FMN1: variants seen among roughly 807,000 people sequenced by gnomAD.
The protein encoded by FMN1 is formin 1.
A neutral mutation model predicts 132.4 loss-of-function variants in FMN1; 110 were observed. The ratio of observed to expected loss-of-function variants is 0.83; its 90% confidence interval spans 0.71 to 0.97. The LOEUF (loss-of-function observed/expected upper bound fraction) is 0.97, where lower values mean the gene tolerates loss of function less well. Among genes scored for constraint, FMN1 ranks in the 50% least tolerant of loss-of-function variants. The probability of loss-of-function intolerance (pLI) is 0.00; values close to 1 mark genes in which losing one functional copy is unlikely to be tolerated. For synonymous variants in FMN1, 722 were observed against 651.7 expected, an observed-to-expected ratio of 1.11 and a Z score of -1.64; for missense variants, 1,792 against 1,705.3, an observed-to-expected ratio of 1.05 and a Z score of -0.90.
At chr15:33,084,256 T>TC (rs369114253) in intron 5 of FMN1, among the ~76,000 whole-genome samples, 13 of 152,312 alleles carry the variant, frequency 8.5e-5, no homozygotes, top group African/African-American at 3.1e-4. Context: ...CCAAGAACCC[T>TC]TTCTTGGGGT....
intron 17 of FMN1, among the ~76,000 whole-genome samples, chr15:32,807,045 GA>G (rs1380821686): frequency 2.0e-5 from 3 of 152,106 alleles, no homozygotes; most frequent in African/African-American, 7.2e-5. Flanking sequence ...CTTAATTGTA[GA>G]AAACTGGCTA....
chr15:32,773,299 C>T lies in FMN1; in HGVS notation c.*1011G>A, dbSNP rs1162550148. 1 of 152,072 alleles carries T rather than the reference C, an allele frequency of 6.6e-6. No individual in the cohort carries two copies. The highest frequency in any genetic ancestry group is 1.5e-5 in the Non-Finnish European group (1 of 68,048). The allele number at this position is 152,072 out of a possible 1,614,324, so 9.4% of individuals were successfully genotyped here. On this transcript the variant is annotated 3_prime_UTR_variant, in exon 21 of 21. Coordinates refer to ENST00000616417, the MANE Select transcript of FMN1 (RefSeq NM_001277313.2). Reference sequence around the variant, plus strand: ...CATCCTACTTCACATGCCTATCAGCCAAGGTCATGAGCAGGTGCTGTGAGT... The same window carrying T: ...CATCCTACTTCACATGCCTATCAGCTAAGGTCATGAGCAGGTGCTGTGAGT...
Position 33,153,650 on chromosome 15 carries a change from A to G in FMN1, c.1265T>C (p.Leu422Pro). 6.5e-7 allele frequency: 1 copy of G among 1,536,298 alleles called. No individual in the cohort carries two copies. The highest frequency in any genetic ancestry group is 1.2e-5 in the South Asian group (1 of 84,056). ...TAACTTCTCACTCTCTATCACCTTCAGGGGGACCTTGTTCACGGCCCCCTC... is the reference window on the plus strand; with the variant it reads ...TAACTTCTCACTCTCTATCACCTTCGGGGGGACCTTGTTCACGGCCCCCTC... Reference protein sequence around the residue: ...SAEGAVNKVPLKVIESEKLDE... With the variant: ...SAEGAVNKVPPKVIESEKLDE... The change falls in exon 4 of 21, where the codon CTG (leucine) becomes CCG (proline). Residue 422 changes from leucine to proline, a missense_variant. Physicochemically the swap from Leu to Pro is moderately conservative, Grantham distance 98. This residue lies in a region of FMN1 where 638 missense variants were observed against 645.2 expected (regional missense o/e 0.99). Coordinates refer to ENST00000616417, the MANE Select transcript of FMN1 (RefSeq NM_001277313.2).
chr15:32,847,671 A>G (rs1478415954), intron 17 of FMN1, among the ~76,000 whole-genome samples: 1 of 152,146 alleles, frequency 6.6e-6, no homozygotes, highest in Non-Finnish European at 1.5e-5. Context: ...TGGCTAACGC[A>G]GTGAAACCCC....
intron 9 of FMN1, among the ~76,000 whole-genome samples, chr15:32,949,368 G>C (rs1252359071): frequency 6.6e-6 from 1 of 152,224 alleles, no homozygotes; most frequent in South Asian, 2.1e-4. Context: ...GAACAGAACA[G>C]AGAACCTATT....
chr15:33,093,675 G>C (rs2038980741), intron 4 of FMN1, among the ~76,000 whole-genome samples: 1 of 152,156 alleles, frequency 6.6e-6, no homozygotes, highest in African/African-American at 2.4e-5. Context: ...TCCTCACTGG[G>C]AAGTATGTGG....
intron 7 of FMN1, among the ~76,000 whole-genome samples, chr15:33,004,517 G>A (rs544284371): frequency 3.3e-5 from 5 of 152,236 alleles, no homozygotes; most frequent in South Asian, 2.1e-4. Flanking sequence ...TTAGAATGGC[G>A]ATCATTAAAG....
chr15:32,862,627 T>A (rs1255537999), intron 16 of FMN1, among the ~76,000 whole-genome samples: 2 of 152,358 alleles, frequency 1.3e-5, no homozygotes, highest in East Asian at 3.9e-4. Flanking sequence ...ATAAAGCTTA[T>A]TAAGCCACTT....
chr15:32,863,960 G>C (rs979242093), intron 16 of FMN1, among the ~76,000 whole-genome samples: 6 of 152,172 alleles, frequency 3.9e-5, no homozygotes, highest in Admixed American at 2.0e-4. Flanking sequence ...AGTTAGAACA[G>C]TAATATTTTA....
intron 6 of FMN1, among the ~76,000 whole-genome samples, chr15:33,014,501 A>T (rs543594669): frequency 6.6e-6 from 1 of 152,372 alleles, no homozygotes; most frequent in South Asian, 2.1e-4. Flanking sequence ...TTAGCCCCTA[A>T]TGGAAGTTAA....
At chr15:32,844,867 C>T (rs2058822635) in intron 17 of FMN1, among the ~76,000 whole-genome samples, 1 of 152,228 alleles carries the variant, frequency 6.6e-6, no homozygotes, top group African/African-American at 2.4e-5. Flanking sequence ...GGCTGATATA[C>T]ATAGTGCCAG....
intron 17 of FMN1, among the ~76,000 whole-genome samples, chr15:32,823,851 G>A (rs1268872367): frequency 2.6e-5 from 4 of 152,188 alleles, no homozygotes; most frequent in Non-Finnish European, 1.5e-5. Context: ...TTTCATATTC[G>A]AAAAGTATTC....
At chr15:32,887,039 A>C (rs1253521039) in intron 16 of FMN1, among the ~76,000 whole-genome samples, 1 of 152,210 alleles carries the variant, frequency 6.6e-6, no homozygotes, top group East Asian at 1.9e-4. Context: ...ATACAAGATA[A>C]AAATATTCAC....
intron 2 of FMN1, among the ~76,000 whole-genome samples, chr15:33,184,004 A>G (rs1285419613): frequency 6.6e-6 from 1 of 152,198 alleles, no homozygotes; most frequent in African/African-American, 2.4e-5. Context: ...TCTCAAGGAT[A>G]TATCTTGAAA....
At position 33,153,295 on chromosome 15, in the gene FMN1, G is replaced by T; in HGVS notation, c.1620C>A (p.Leu540=). The T allele has an allele frequency of 6.5e-7, 1 of 1,536,224 alleles. No homozygotes were observed. Among genetic ancestry groups the T allele is most frequent in the Non-Finnish European group, 8.7e-7 (1 of 1,146,920 alleles). The change falls in exon 4 of 21, where the codon CTC becomes CTA. Residue 540 remains leucine (L), a synonymous_variant. Transcript: ENST00000616417. ...CTTCCCTCTCACCAGGCAATGCAGG[G>T]AGCCGGAGGATCCTGTGATGCTGCT... ...SPQQHHRILR[L]PALPGEREAA... is the part of the protein sequence containing the mutation.
intron 4 of FMN1, among the ~76,000 whole-genome samples, chr15:33,145,802 C>T (rs1163150033): frequency 1.3e-5 from 2 of 151,956 alleles, no homozygotes; most frequent in African/African-American, 4.8e-5. Context: ...TTACTCTCCA[C>T]AATTCCTCTG....
chr15:33,128,354 A>ATC (rs1229249473), intron 4 of FMN1, among the ~76,000 whole-genome samples: 3 of 152,110 alleles, frequency 2.0e-5, no homozygotes, highest in Admixed American at 2.0e-4. Context: ...ATCCTTGACG[A>ATC]TCTCAAGGAT....
intron 7 of FMN1, among the ~76,000 whole-genome samples, chr15:32,993,349 T>C (rs1254583293): frequency 6.6e-6 from 1 of 152,214 alleles, no homozygotes; most frequent in Non-Finnish European, 1.5e-5. Context: ...GTTAATCCTT[T>C]AAATTATGTC....
At chr15:33,019,161 T>C (rs1386423175) in intron 6 of FMN1, among the ~76,000 whole-genome samples, 2 of 152,176 alleles carry the variant, frequency 1.3e-5, no homozygotes, top group South Asian at 2.1e-4. Flanking sequence ...AGAGAGCTGA[T>C]TGGTCTGTTT....
Sources: gnomAD v4.1 joint callset for allele counts (sites outside exome capture counted in the v4.1 genomes callset) on GRCh38, gnomAD v4.1.1 for gene constraint, gnomAD v4.1.1 regional missense constraint, MANE v1.5 for transcripts, NCBI Gene and HGNC (gene_info 2026-07-23, HGNC 2026-07-21) for gene names.